The following ALDH1A2 variants were observed in gnomAD, a reference collection of about 807,000 sequenced individuals.
ALDH1A2 encodes aldehyde dehydrogenase 1 family member A2.
Under a neutral mutation model 60.3 loss-of-function variants are expected in ALDH1A2, and 27 were observed. That is an observed-to-expected ratio of 0.45 (90% CI 0.33 to 0.62). The LOEUF (loss-of-function observed/expected upper bound fraction) is 0.62. ALDH1A2 is among the 20% of genes least tolerant of loss of function. The pLI, the probability that ALDH1A2 is intolerant of heterozygous loss-of-function variation, is 0.02. For synonymous variants in ALDH1A2, 289 were observed against 232.4 expected (o/e 1.24, Z -2.21); for missense variants, 581 against 643.8 (o/e 0.90, Z 1.06).
At chr15:58,000,524 T>C (rs1362774519) in intron 4 of ALDH1A2, among the ~76,000 whole-genome samples, 2 of 152,014 alleles carry the variant, frequency 1.3e-5, no homozygotes, top group African/African-American at 4.8e-5. Flanking sequence ...TAGAAATATG[T>C]AAATAGCTAC....
intron 4 of ALDH1A2, among the ~76,000 whole-genome samples, chr15:57,995,848 C>G (rs1237653431): frequency 1.3e-5 from 2 of 152,076 alleles, no homozygotes; most frequent in Admixed American, 6.6e-5. Context: ...GAGTAATAGG[C>G]AACTGAAATA....
chr15:58,039,793 A>AAAAGGGAGGGGAGTCACATGC (rs1896471627), intron 1 of ALDH1A2, among the ~76,000 whole-genome samples: 2 of 151,820 alleles, frequency 1.3e-5, no homozygotes, highest in Admixed American at 6.6e-5. Context: ...GAAGAGAACA[A>AAAAGGGAGGGGAGTCACATGC]AAAGGGAGGG....
intron 11 of ALDH1A2, 78 bp from the exon 12 acceptor site, chr15:57,960,922 G>T: frequency 6.9e-7 from 1 of 1,441,166 alleles, no homozygotes; most frequent in Non-Finnish European, 9.6e-7. Context: ...ATTTCTTTTA[G>T]AAGTTTTATT....
At chr15:58,002,590 A>C (rs779947463) in intron 4 of ALDH1A2, among the ~76,000 whole-genome samples, 3 of 151,968 alleles carry the variant, frequency 2.0e-5, no homozygotes, top group Non-Finnish European at 4.4e-5. Flanking sequence ...AGAATCTGAA[A>C]TGTGCCAGAA....
At chr15:58,039,402 G>C (rs1896458033) in intron 1 of ALDH1A2, among the ~76,000 whole-genome samples, 1 of 151,672 alleles carries the variant, frequency 6.6e-6, no homozygotes, top group African/African-American at 2.4e-5. Context: ...GGGAAAGGAA[G>C]GGCTTGCTTC....
intron 1 of ALDH1A2, among the ~76,000 whole-genome samples, chr15:58,058,976 A>T (rs1349259383): frequency 6.6e-6 from 1 of 152,208 alleles, no homozygotes; most frequent in Non-Finnish European, 1.5e-5. Flanking sequence ...TTATTATTCC[A>T]ACTGGAATTT....
At chr15:58,032,589 A>G (rs190427629) in intron 1 of ALDH1A2, among the ~76,000 whole-genome samples, 209 of 152,218 alleles carry the variant, frequency 1.4e-3, no homozygotes, top group Non-Finnish European at 2.6e-3. Context: ...AATGTAAACT[A>G]ATACAACCAC....
intron 12 of ALDH1A2, 23 bp downstream of exon 12, chr15:57,960,747 G>C (rs1893690073): frequency 6.3e-7 from 1 of 1,596,968 alleles, no homozygotes; most frequent in Non-Finnish European, 8.6e-7. Flanking sequence ...TTCTCTGCAG[G>C]CATCAGCAAC....
intron 1 of ALDH1A2, among the ~76,000 whole-genome samples, chr15:58,045,932 C>T (rs542578253): frequency 1.1e-4 from 16 of 152,112 alleles, no homozygotes; most frequent in African/African-American, 3.9e-4. Context: ...AGACACTCCA[C>T]ACATGCATTT....
At chr15:57,992,566 C>T in intron 7 of ALDH1A2, 139 bp downstream of exon 7, 1 of 794,928 alleles carries the variant, frequency 1.3e-6, no homozygotes, top group Non-Finnish European at 2.1e-6. Context: ...TGTTCTATGA[C>T]ACCAATGTTA....
intron 1 of ALDH1A2, among the ~76,000 whole-genome samples, chr15:58,062,836 AGTGGTAAGCGT>A (rs1175007144): frequency 6.6e-6 from 1 of 152,230 alleles, no homozygotes; most frequent in Non-Finnish European, 1.5e-5. Flanking sequence ...AGAATTTCAG[AGTGGTAAGCGT>A]ATTTTAAAAA....
rs1160927153 is a variant in ALDH1A2, at chr15:57,993,172, C to T, written c.556-99G>A. ...TCATATTTCTCAAACTAGTCCTCGACATAAATCTTGTCCACTACAAAGTAC... is the reference window on the plus strand; with the variant it reads ...TCATATTTCTCAAACTAGTCCTCGATATAAATCTTGTCCACTACAAAGTAC... On this transcript the variant is annotated intron_variant, in intron 5 of 12. Coordinates refer to ENST00000249750, the MANE Select transcript of ALDH1A2 (RefSeq NM_003888.4). 3.5e-6 allele frequency: 5 copies of T among 1,428,026 alleles called. No homozygotes were observed. In the East Asian group the frequency reaches 9.5e-5, roughly 27 times the overall value. 88.5% of individuals were successfully genotyped at this position (1,428,026 alleles called of 1,614,324 possible). A position where few individuals can be genotyped will look rare whatever the true frequency, so the allele number is the denominator to read the frequency against.
chr15:58,059,722 T>C (rs1346686533), intron 1 of ALDH1A2, among the ~76,000 whole-genome samples: 1 of 152,156 alleles, frequency 6.6e-6, no homozygotes, highest in Non-Finnish European at 1.5e-5. Context: ...GAGAAAATGC[T>C]TTAGTAACTT....
At chr15:58,048,093 AAGTC>A (rs1315023024) in intron 1 of ALDH1A2, among the ~76,000 whole-genome samples, 4 of 152,036 alleles carry the variant, frequency 2.6e-5, no homozygotes, top group Admixed American at 6.6e-5. Flanking sequence ...CCTAAGCTGA[AAGTC>A]AGGAAAAAGG....
chr15:58,006,123 C>A (rs1465584950), intron 4 of ALDH1A2, among the ~76,000 whole-genome samples: 1 of 151,608 alleles, frequency 6.6e-6, no homozygotes, highest in Non-Finnish European at 1.5e-5. Context: ...GTGCATCTGT[C>A]ACCTGGGTAG....
intron 4 of ALDH1A2, among the ~76,000 whole-genome samples, chr15:58,001,272 T>C (rs1363942674): frequency 6.6e-6 from 1 of 151,870 alleles, no homozygotes; most frequent in Non-Finnish European, 1.5e-5. Flanking sequence ...TCTTTACCCA[T>C]AAAAACATAT....
At chr15:58,004,968 C>G (rs376847294) in intron 4 of ALDH1A2, among the ~76,000 whole-genome samples, 1 of 151,578 alleles carries the variant, frequency 6.6e-6, no homozygotes, top group African/African-American at 2.4e-5. Flanking sequence ...AAGCAATATA[C>G]AGATTTGATG....
chr15:58,014,897 A>C (rs1895745433), intron 1 of ALDH1A2, among the ~76,000 whole-genome samples: 1 of 152,150 alleles, frequency 6.6e-6, no homozygotes, highest in Non-Finnish European at 1.5e-5. Context: ...AGTGGGGTGT[A>C]ATTTTCAAAT....
chr15:57,957,028 T>C (rs1007702232), intron 12 of ALDH1A2, among the ~76,000 whole-genome samples: 7 of 152,194 alleles, frequency 4.6e-5, no homozygotes, highest in Admixed American at 4.6e-4. Context: ...CAGTGATCTG[T>C]GCACGGGGGA....
Sources: allele counts gnomAD v4.1 joint callset (sites outside exome capture counted in the v4.1 genomes callset), GRCh38; gene constraint gnomAD v4.1.1; transcripts MANE v1.5; gene names NCBI Gene and HGNC (gene_info 2026-07-23, HGNC 2026-07-21).